Variants in EXOC6 observed in about 807,000 individuals in gnomAD.
EXOC6 encodes the protein exocyst complex component 6, also known as SEC15-like 1.
A neutral mutation model predicts 112.5 loss-of-function variants in EXOC6; 60 were observed. That is an observed-to-expected ratio of 0.53 (90% confidence interval 0.43 to 0.66). The LOEUF is 0.66. Ranked by LOEUF, EXOC6 falls within the 30% of genes least tolerant of loss-of-function variation. The pLI, the probability that EXOC6 is intolerant of heterozygous loss-of-function variation, is 0.00. For missense variants in EXOC6, 855 were observed against 957.1 expected, an observed-to-expected ratio of 0.89 and a Z score of 1.41; for synonymous variants, 295 against 308.0, an observed-to-expected ratio of 0.96 and a Z score of 0.44.
intron 1 of EXOC6, among the ~76,000 whole-genome samples, chr10:92,828,730 ATTT>A (rs71028852): frequency 8.2e-5 from 9 of 110,096 alleles, no homozygotes; most frequent in African/African-American, 1.1e-4. Context: ...GTGTGTGTGT[ATTT>A]TTTTTTTTTT....
At chr10:93,020,473 T>C (rs1216605336) in intron 20 of EXOC6, among the ~76,000 whole-genome samples, 2 of 152,158 alleles carry the variant, frequency 1.3e-5, no homozygotes, top group Non-Finnish European at 2.9e-5. Context: ...ATAATTAGCT[T>C]ATAGACTACT....
intron 20 of EXOC6, among the ~76,000 whole-genome samples, chr10:93,026,502 A>G (rs835265): frequency 0.13 from 19,732 of 152,188 alleles, 1,435 homozygotes; most frequent in African/African-American, 0.18. Context: ...GCTTTGTTGC[A>G]ATTCACAGAT....
intron 20 of EXOC6, among the ~76,000 whole-genome samples, chr10:93,034,278 A>G (rs535313684): frequency 1.2e-4 from 18 of 152,220 alleles, no homozygotes; most frequent in Non-Finnish European, 2.4e-4. Context: ...TGCCAGGTTC[A>G]TATCATAGGT....
Position 93,010,056 on chromosome 10 carries a change from A to G in EXOC6, c.2096-4138A>G, listed in dbSNP as rs577245578. ...GTAGAAACAAATTCAGACTCAGGAG[A>G]TATTTTGGGAAGTAGAAACAACAAG... On this transcript the variant is annotated intron_variant, in intron 19 of 21. Coordinates refer to ENST00000260762, the MANE Select transcript of EXOC6 (RefSeq NM_019053.6). Among the ~76,000 whole-genome samples the G allele has an allele frequency of 6.6e-5, 10 of 152,310 alleles. No homozygotes were observed. The South Asian group carries it at 1.5e-3, about 22-fold the overall frequency.
At chr10:93,032,958 A>G (rs963980847) in intron 20 of EXOC6, among the ~76,000 whole-genome samples, 2 of 152,190 alleles carry the variant, frequency 1.3e-5, no homozygotes, top group African/African-American at 4.8e-5. Context: ...GAGCAAGAGC[A>G]AAGTCCTAAG....
chr10:92,928,538 C>G, intron 9 of EXOC6, 116 bp downstream of exon 9: 1 of 610,706 alleles, frequency 1.6e-6, no homozygotes, highest in Non-Finnish European at 2.8e-6. Flanking sequence ...TATTGAACAC[C>G]TACCATTTCC....
chr10:92,935,874 G>T lies in EXOC6; in HGVS notation c.1201G>T (p.Asp401Tyr). 6.2e-7 allele frequency: 1 copy of T among 1,600,256 alleles called. No individual in the cohort carries two copies. The highest frequency in any genetic ancestry group is 8.5e-7 in the Non-Finnish European group (1 of 1,169,616). The change falls in exon 12 of 22, where the codon GAT (aspartate) becomes TAT (tyrosine). Residue 401 changes from aspartate to tyrosine, a missense_variant. Coordinates refer to ENST00000260762, the MANE Select transcript of EXOC6 (RefSeq NM_019053.6). ...GAAGAATCTTACTGTAATATTTGCA[G>T]ATACTTTACAGGTGGGTGATAACCT... The part of the protein sequence containing the change: ...ELKNLTVIFA[D>Y]TLQGYGFPVN...
At chr10:92,850,563 A>G (rs923285295) in intron 1 of EXOC6, among the ~76,000 whole-genome samples, 2 of 152,242 alleles carry the variant, frequency 1.3e-5, no homozygotes, top group African/African-American at 2.4e-5. Context: ...CATTTTTAAA[A>G]ACCATTTATT....
At chr10:92,927,831 T>C (rs1851810039) in intron 8 of EXOC6, among the ~76,000 whole-genome samples, 2 of 152,048 alleles carry the variant, frequency 1.3e-5, no homozygotes, top group African/African-American at 4.8e-5. Context: ...TAAAAAATCA[T>C]ATGGGAAAAG....
At chr10:92,948,586 A>ACTACTG (rs1554900825) in intron 14 of EXOC6, among the ~76,000 whole-genome samples, 1 of 149,302 alleles carries the variant, frequency 6.7e-6, no homozygotes, top group Non-Finnish European at 1.5e-5. Context: ...TACTACTACT[A>ACTACTG]CTACTACTAC....
intron 4 of EXOC6, among the ~76,000 whole-genome samples, chr10:92,896,101 A>ATATATATGTG (rs869166100): frequency 0.54 from 19,109 of 35,078 alleles, 5,841 homozygotes; most frequent in East Asian, 0.9. Context: ...ATATGTGTGT[A>ATATATATGTG]TATATATGTG....
chr10:93,033,180 T>C (rs1297122212), intron 20 of EXOC6, among the ~76,000 whole-genome samples: 1 of 152,216 alleles, frequency 6.6e-6, no homozygotes, highest in Non-Finnish European at 1.5e-5. Flanking sequence ...TGAGAGTTTA[T>C]TCTGGCTGTT....
chr10:92,955,452 G>C, intron 16 of EXOC6, 128 bp from the exon 17 acceptor site: 1 of 694,436 alleles, frequency 1.4e-6, no homozygotes, highest in Non-Finnish European at 2.5e-6. Flanking sequence ...TCAGATAGTT[G>C]TATCCTATAA....
At chr10:92,910,415 C>A (rs1850677374) in intron 6 of EXOC6, among the ~76,000 whole-genome samples, 1 of 151,992 alleles carries the variant, frequency 6.6e-6, no homozygotes, top group Admixed American at 6.6e-5. Flanking sequence ...CATTCGAAAG[C>A]AGGTAGACTA....
At chr10:92,917,624 A>T (rs1403494892) in intron 7 of EXOC6, among the ~76,000 whole-genome samples, 2 of 151,414 alleles carry the variant, frequency 1.3e-5, no homozygotes, top group African/African-American at 4.9e-5. Flanking sequence ...TTCTGGGTCC[A>T]AGTGTTCTTC....
intron 8 of EXOC6, among the ~76,000 whole-genome samples, chr10:92,924,533 C>T (rs766940556): frequency 6.6e-6 from 1 of 152,054 alleles, no homozygotes; most frequent in Non-Finnish European, 1.5e-5. Context: ...TTAAAGTAAA[C>T]CCTGGCTATT....
chr10:92,860,127 G>T (rs1416676635), intron 1 of EXOC6, among the ~76,000 whole-genome samples: 1 of 151,648 alleles, frequency 6.6e-6, no homozygotes, highest in Non-Finnish European at 1.5e-5. Flanking sequence ...CCCAATCTTG[G>T]CTTTTTATTT....
At chr10:93,006,331 C>A (rs116636991) in intron 19 of EXOC6, among the ~76,000 whole-genome samples, 1 of 152,082 alleles carries the variant, frequency 6.6e-6, no homozygotes, top group South Asian at 2.1e-4. Context: ...TATTTCAGTG[C>A]CTTTTTAAAA....
intron 20 of EXOC6, among the ~76,000 whole-genome samples, chr10:93,029,097 ATCCACACTGAGGCAAGAGTC>A (rs1845155354): frequency 6.6e-6 from 1 of 152,184 alleles, no homozygotes; most frequent in Non-Finnish European, 1.5e-5. Context: ...GTCAGCAGCC[ATCCACACTGAGGCAAGAGTC>A]TCCACCAGCA....
Sources: allele counts gnomAD v4.1 joint callset (sites outside exome capture counted in the v4.1 genomes callset), GRCh38; gene constraint gnomAD v4.1.1; transcripts MANE v1.5; gene names NCBI Gene and HGNC (gene_info 2026-07-23, HGNC 2026-07-21).